The following PIP4K2A variants were observed in gnomAD, a reference collection of about 807,000 sequenced individuals.
PIP4K2A encodes phosphatidylinositol-5-phosphate 4-kinase type 2 alpha, also known as phosphatidylinositol 5-phosphate 4-kinase type-2 alpha.
In PIP4K2A, 14 loss-of-function variants were observed where a neutral mutation model predicts 42.9. The observed-to-expected ratio is 0.33, with a 90% CI of 0.22 to 0.51. The LOEUF is 0.51. Ranked by LOEUF, PIP4K2A falls within the 20% of genes least tolerant of loss-of-function variation. PIP4K2A has a pLI of 0.97. For synonymous variants in PIP4K2A, 192 were observed against 192.2 expected, an observed-to-expected ratio of 1.00 and a Z score of 0.01; for missense variants, 434 against 519.8, an observed-to-expected ratio of 0.83 and a Z score of 1.61.
At chr10:22,596,205 CAAA>C (rs10681238) in intron 3 of PIP4K2A, among the ~76,000 whole-genome samples, 51 of 69,666 alleles carry the variant, frequency 7.3e-4, no homozygotes, top group Admixed American at 3.1e-3. Context: ...AACTCCGTCT[CAAA>C]AAAAAAAAAA....
chr10:22,572,760 C>T (rs1300171222), intron 5 of PIP4K2A, among the ~76,000 whole-genome samples: 1 of 151,936 alleles, frequency 6.6e-6, no homozygotes, highest in South Asian at 2.1e-4. Context: ...TTTCCAGGGG[C>T]CCCCCTTTAT....
chr10:22,704,419 A>G (rs1168343743), intron 1 of PIP4K2A, among the ~76,000 whole-genome samples: 1 of 152,174 alleles, frequency 6.6e-6, no homozygotes, highest in Non-Finnish European at 1.5e-5. Flanking sequence ...CATCGCAGGT[A>G]AGTTGACGGT....
intron 6 of PIP4K2A, among the ~76,000 whole-genome samples, chr10:22,555,569 G>A (rs1326335): frequency 0.99 from 151,398 of 152,318 alleles, 75,244 homozygotes; most frequent in East Asian, 1. Flanking sequence ...CAGTTGCTTA[G>A]TCTGCCCAAA....
intron 1 of PIP4K2A, among the ~76,000 whole-genome samples, chr10:22,644,978 C>G (rs1272697705): frequency 6.6e-6 from 1 of 152,190 alleles, no homozygotes; most frequent in African/African-American, 2.4e-5. Context: ...ATTCGCAAGA[C>G]AGTTTTCTAA....
intron 3 of PIP4K2A, among the ~76,000 whole-genome samples, chr10:22,601,132 A>C (rs1467184877): frequency 4.8e-5 from 2 of 41,392 alleles, no homozygotes; most frequent in African/African-American, 7.8e-4. Context: ...GACTGTCTCA[A>C]AAAAAAAAAA....
rs536082439 is a variant in PIP4K2A at position 22,664,226 on chromosome 10, T to C, written c.144+49957A>G. ...ATACATATATATATATACATATATA[T>C]ATACACACACACACACACACACACA... On this transcript the variant is annotated intron_variant, in intron 1 of 9. Coordinates refer to ENST00000376573, the MANE Select transcript of PIP4K2A (RefSeq NM_005028.5). Among the ~76,000 whole-genome samples, 122 of 54,408 alleles carry C rather than the reference T, an allele frequency of 2.2e-3. 2 individuals carry two copies. Among genetic ancestry groups the C allele is most frequent in the African/African-American group, 7.9e-3 (103 of 12,984 alleles). 35.7% of individuals were successfully genotyped at this position (54,408 alleles called of 152,430 possible). A position where few individuals can be genotyped will look rare whatever the true frequency, so the allele number is the denominator to read the frequency against.
intron 3 of PIP4K2A, among the ~76,000 whole-genome samples, chr10:22,594,736 G>C (rs565957352): frequency 6.6e-6 from 1 of 152,300 alleles, no homozygotes; most frequent in South Asian, 2.1e-4. Context: ...AAACGTAAAA[G>C]CAAATAATGT....
chr10:22,684,993 G>A (rs531436623), intron 1 of PIP4K2A, among the ~76,000 whole-genome samples: 62 of 152,214 alleles, frequency 4.1e-4, no homozygotes, highest in Non-Finnish European at 6.6e-4. Flanking sequence ...TGTGGAACCC[G>A]TGCAATAACA....
chr10:22,604,049 A>T (rs947427878), intron 3 of PIP4K2A, among the ~76,000 whole-genome samples: 2 of 152,110 alleles, frequency 1.3e-5, no homozygotes, highest in African/African-American at 2.4e-5. Context: ...AGGTTTACAT[A>T]TGTATGTTAC....
chr10:22,661,760 C>T (rs1839209816), intron 1 of PIP4K2A: 2 of 152,092 alleles, frequency 1.3e-5, no homozygotes, highest in Admixed American at 6.6e-5. Flanking sequence ...GTAGTGTGTA[C>T]CCAATTATTG....
intron 6 of PIP4K2A, among the ~76,000 whole-genome samples, chr10:22,551,751 G>A (rs755350518): frequency 3.9e-5 from 6 of 152,142 alleles, no homozygotes. Flanking sequence ...CCTCTTTTCT[G>A]TAGGTGTGAA....
chr10:22,680,722 C>T (rs1178397591), intron 1 of PIP4K2A, among the ~76,000 whole-genome samples: 4 of 152,264 alleles, frequency 2.6e-5, no homozygotes, highest in Admixed American at 6.5e-5. Context: ...GACAGCTCAG[C>T]GAGGGCTGGT....
chr10:22,669,802 T>C (rs2130857289), intron 1 of PIP4K2A, among the ~76,000 whole-genome samples: 1 of 152,326 alleles, frequency 6.6e-6, no homozygotes, highest in South Asian at 2.1e-4. Flanking sequence ...AAAATATGAA[T>C]GTCTTTCTGA....
chr10:22,596,796 T>C (rs1837644780), intron 3 of PIP4K2A, among the ~76,000 whole-genome samples: 1 of 152,242 alleles, frequency 6.6e-6, no homozygotes, highest in Non-Finnish European at 1.5e-5. Flanking sequence ...CAGAAATGAC[T>C]TGCCCAACTC....
intron 1 of PIP4K2A, among the ~76,000 whole-genome samples, chr10:22,689,286 A>G (rs1213005899): frequency 6.6e-6 from 1 of 152,116 alleles, no homozygotes; most frequent in African/African-American, 2.4e-5. Context: ...TGTACATTGA[A>G]AAATATTTTT....
At chr10:22,668,956 C>T (rs1163672164) in intron 1 of PIP4K2A, among the ~76,000 whole-genome samples, 1 of 152,154 alleles carries the variant, frequency 6.6e-6, no homozygotes, top group Non-Finnish European at 1.5e-5. Flanking sequence ...TGTTTTAATA[C>T]ATTTCATTTT....
intron 2 of PIP4K2A, 58 bp downstream of exon 2, chr10:22,609,562 C>T: frequency 1.0e-6 from 1 of 964,762 alleles, no homozygotes; most frequent in South Asian, 1.3e-5. Flanking sequence ...CAAAAATTCA[C>T]AAAACTTGTA....
chr10:22,578,039 G>A (rs1420321745), intron 4 of PIP4K2A, among the ~76,000 whole-genome samples: 2 of 152,198 alleles, frequency 1.3e-5, no homozygotes, highest in Admixed American at 1.3e-4. Context: ...AGTATTTACA[G>A]AGGAAATGTG....
At chr10:22,640,932 TAAG>T (rs1838772251) in intron 1 of PIP4K2A, among the ~76,000 whole-genome samples, 1 of 152,074 alleles carries the variant, frequency 6.6e-6, no homozygotes, top group African/African-American at 2.4e-5. Flanking sequence ...TAAACAGTTC[TAAG>T]AACTGAGAGA....
Sources: allele counts gnomAD v4.1 joint callset (sites outside exome capture counted in the v4.1 genomes callset), GRCh38; gene constraint gnomAD v4.1.1; transcripts MANE v1.5; gene names NCBI Gene and HGNC (gene_info 2026-07-23, HGNC 2026-07-21).